TNRC6A: variants seen among roughly 807,000 people sequenced by gnomAD.
TNRC6A encodes the protein trinucleotide repeat containing adaptor 6A.
In TNRC6A, 44 loss-of-function variants were observed where a neutral mutation model predicts 221.2. The observed-to-expected ratio is 0.20, with a 90% CI of 0.16 to 0.26. The LOEUF (loss-of-function observed/expected upper bound fraction) is 0.26, where lower values mean the gene tolerates loss of function less well. Among genes scored for constraint, TNRC6A ranks in the 10% least tolerant of loss-of-function variants. The probability of loss-of-function intolerance (pLI) is 1.00; values close to 1 mark genes in which losing one functional copy is unlikely to be tolerated. For synonymous variants in TNRC6A, 847 were observed against 838.5 expected, an observed-to-expected ratio of 1.01 and a Z score of -0.18; for missense variants, 2,199 against 2,404.4, an observed-to-expected ratio of 0.91 and a Z score of 1.79.
chr16:24,675,289 T>C (rs1044807553), intron 2 of TNRC6A, among the ~76,000 whole-genome samples: 1 of 152,176 alleles, frequency 6.6e-6, no homozygotes, highest in African/African-American at 2.4e-5. Flanking sequence ...TACAAAAAGA[T>C]ATTTTGCATG....
intron 2 of TNRC6A, among the ~76,000 whole-genome samples, chr16:24,703,855 G>A (rs956666718): frequency 6.6e-6 from 1 of 151,866 alleles, no homozygotes; most frequent in Non-Finnish European, 1.5e-5. Flanking sequence ...AGGCCAAGGT[G>A]GACAGATCAC....
At chr16:24,780,878 T>G (rs2057826869) in intron 5 of TNRC6A, among the ~76,000 whole-genome samples, 1 of 152,004 alleles carries the variant, frequency 6.6e-6, no homozygotes, top group East Asian at 1.9e-4. Context: ...TAAAATGCTG[T>G]CCATCCCCAT....
chr16:24,657,866 G>A (rs916477093), intron 2 of TNRC6A, among the ~76,000 whole-genome samples: 13 of 151,924 alleles, frequency 8.6e-5, no homozygotes, highest in Non-Finnish European at 1.8e-4. Flanking sequence ...AAGTTATATG[G>A]TGAATGTTGC....
chr16:24,780,067 T>C (rs2057807515), intron 5 of TNRC6A, among the ~76,000 whole-genome samples: 2 of 152,244 alleles, frequency 1.3e-5, no homozygotes, highest in South Asian at 4.1e-4. Flanking sequence ...GTAATGAAAG[T>C]GAAGGCTTTG....
intron 1 of TNRC6A, among the ~76,000 whole-genome samples, chr16:24,625,742 A>AC (rs1279118607): frequency 1.7e-4 from 13 of 74,978 alleles, no homozygotes; most frequent in African/African-American, 6.9e-4. Context: ...CAAAACAAAA[A>AC]AAAAAAAAAA....
chr16:24,656,466 C>A (rs371619340), intron 2 of TNRC6A, among the ~76,000 whole-genome samples: 857 of 122,406 alleles, frequency 7.0e-3, no homozygotes, highest in African/African-American at 9.1e-3. Context: ...GACTCCATCT[C>A]AAAAAAAAAA....
intron 2 of TNRC6A, among the ~76,000 whole-genome samples, chr16:24,642,881 A>G (rs570064585): frequency 6.6e-6 from 1 of 151,324 alleles, no homozygotes; most frequent in Admixed American, 6.6e-5. Flanking sequence ...TGTCTCTACA[A>G]AAAATTTTTA....
chr16:24,700,645 G>C (rs2055954277), intron 2 of TNRC6A, among the ~76,000 whole-genome samples: 1 of 152,072 alleles, frequency 6.6e-6, no homozygotes. Context: ...GGATCTTCGT[G>C]GTAGAGGTGC....
chr16:24,753,236 T>C (rs996811339), intron 3 of TNRC6A, among the ~76,000 whole-genome samples: 5 of 152,216 alleles, frequency 3.3e-5, no homozygotes, highest in African/African-American at 1.2e-4. Flanking sequence ...TCTCACCCCA[T>C]GGTTCCAGTC....
At chr16:24,672,413 C>A (rs1312294085) in intron 2 of TNRC6A, among the ~76,000 whole-genome samples, 3 of 151,302 alleles carry the variant, frequency 2.0e-5, no homozygotes, top group Non-Finnish European at 4.4e-5. Context: ...CAGGCGTGAG[C>A]CACCGCGCCT....
chr16:24,794,570 TGTG>T lies in TNRC6A; in HGVS notation c.3383_3385del (p.Gly1128del). 6.2e-7 allele frequency: 1 copy of T among 1,613,658 alleles called. No individual in the cohort carries two copies. Among genetic ancestry groups the T allele is most frequent in the Non-Finnish European group, 8.5e-7 (1 of 1,179,814 alleles). On this transcript the variant is annotated inframe_deletion, in exon 8 of 25. Transcript: ENST00000395799. ...GCCAAAATCTATGCAAGATGGCTGG[TGTG>T]GTGATGATATGCCATTGCCTGGAAA...
At chr16:24,701,354 A>G (rs898694785) in intron 2 of TNRC6A, among the ~76,000 whole-genome samples, 1 of 138,250 alleles carries the variant, frequency 7.2e-6, no homozygotes, top group African/African-American at 2.8e-5. Context: ...CACCCACCTT[A>G]CTAACTTTTT....
At chr16:24,767,228 C>G (rs948963112) in intron 4 of TNRC6A, among the ~76,000 whole-genome samples, 7 of 152,192 alleles carry the variant, frequency 4.6e-5, no homozygotes, top group Non-Finnish European at 1.0e-4. Context: ...GGAATACATA[C>G]GCTGAAGATG....
chr16:24,679,108 C>T (rs1211977791), intron 2 of TNRC6A, among the ~76,000 whole-genome samples: 1 of 151,420 alleles, frequency 6.6e-6, no homozygotes, highest in Non-Finnish European at 1.5e-5. Context: ...AAGCAATTCT[C>T]CTGCCTCAGC....
rs67546745 is a variant in TNRC6A, at chr16:24,623,901, CAAAAAAAAA to C, written n.276+13438_276+13446del. Among the ~76,000 whole-genome samples, 118 of 55,194 alleles carry C rather than the reference CAAAAAAAAA, an allele frequency of 2.1e-3. 2 individuals are homozygous for C. Among genetic ancestry groups the C allele is most frequent in the Non-Finnish European group, 2.6e-3 (89 of 33,588 alleles). The allele number at this position is 55,194 out of a possible 152,430, so 36.2% of individuals were successfully genotyped here. Reference sequence around the variant, plus strand: ...TGGGTAAAGGAGCAAGACCCTGTCTCAAAAAAAAAAAAAAAAAAAAAAAAAAAAAGAATT... The same window carrying C: ...TGGGTAAAGGAGCAAGACCCTGTCTCAAAAAAAAAAAAAAAAAAAAGAATT... On this transcript the variant is annotated intron_variant and non_coding_transcript_variant, in intron 1 of 2. Coordinates refer to the TNRC6A transcript ENST00000566108.
In TNRC6A at chr16:24,650,560, G is replaced by A. The variant is rs552481752; in HGVS notation, n.402+9551G>A. On this transcript the variant is annotated intron_variant and non_coding_transcript_variant, in intron 2 of 2. Coordinates refer to the TNRC6A transcript ENST00000566108. ...GGTGCCTGTAAGCCTAGCTACTTGGGTGGCTGAGGCAGGAGAATCGCTTGA... is the reference window on the plus strand; with the variant it reads ...GGTGCCTGTAAGCCTAGCTACTTGGATGGCTGAGGCAGGAGAATCGCTTGA... Among the ~76,000 whole-genome samples the A allele has an allele frequency of 1.8e-4, 27 of 152,216 alleles. No individual in the cohort carries two copies. The East Asian group carries it at 4.8e-3, about 27-fold the overall frequency.
chr16:24,795,122 C>T lies in TNRC6A; in HGVS notation c.3528+403C>T, dbSNP rs532852667. ...CCGCTTACCCAGAGTCACCATCCTC[C>T]TTATTCACCTGTCATGTTTGTCCCT... On this transcript the variant is annotated intron_variant, in intron 8 of 24. Transcript: ENST00000395799. 4.5e-4 allele frequency among the ~76,000 whole-genome samples: 69 copies of T among 152,286 alleles called. 1 individual carries two copies. Among genetic ancestry groups the T allele is most frequent in the Admixed American group, 4.1e-3 (63 of 15,290 alleles).
At chr16:24,657,755 T>G (rs866050676) in intron 2 of TNRC6A, among the ~76,000 whole-genome samples, 4 of 150,296 alleles carry the variant, frequency 2.7e-5, no homozygotes, top group Admixed American at 6.7e-5. Context: ...TAGCCAAAAA[T>G]GCAGTGGAGA....
chr16:24,703,669 A>T lies in TNRC6A; in HGVS notation n.403-47057A>T, dbSNP rs1432959674. The stretch of plus-strand genomic sequence containing the variant: ...TTTGAGTTACTTCTACTTTTTCCCT[A>T]TTATGAATAAAACTGTTATAAACAT... On this transcript the variant is annotated intron_variant and non_coding_transcript_variant, in intron 2 of 2. Coordinates refer to the TNRC6A transcript ENST00000566108. Among the ~76,000 whole-genome samples, 5 of 152,338 alleles carry T rather than the reference A, an allele frequency of 3.3e-5. No homozygotes were observed. In the East Asian group the frequency reaches 9.6e-4, roughly 29 times the overall value.
Sources: gnomAD v4.1 joint callset for allele counts (sites outside exome capture counted in the v4.1 genomes callset) on GRCh38, gnomAD v4.1.1 for gene constraint, MANE v1.5 for transcripts, NCBI Gene and HGNC (gene_info 2026-07-23, HGNC 2026-07-21) for gene names.